The following THAP9 variants were observed in gnomAD, a reference collection of about 807,000 sequenced individuals.
The protein encoded by THAP9 is THAP domain containing 9.
A neutral mutation model predicts 35.7 loss-of-function variants in THAP9; 20 were observed. The ratio of observed to expected loss-of-function variants is 0.56; its 90% confidence interval spans 0.39 to 0.81. THAP9 has a LOEUF of 0.81. Among genes scored for constraint, THAP9 ranks in the 40% least tolerant of loss-of-function variants. The pLI is 0.00. For missense variants in THAP9, 870 were observed against 1,047.4 expected (o/e 0.83, Z 2.34); for synonymous variants, 335 against 373.7 (o/e 0.90, Z 1.19).
intron 4 of THAP9, chr4:82,910,411 A>AGTTTT (rs1422670999): frequency 6.7e-6 from 1 of 149,534 alleles, no homozygotes; most frequent in Non-Finnish European, 1.4e-5. Context: ...TACAGTTAGC[A>AGTTTT]GTTTTGTGTA....
chr4:82,902,478 C>G (rs1720464588), intron 1 of THAP9, among the ~76,000 whole-genome samples: 1 of 152,124 alleles, frequency 6.6e-6, no homozygotes, highest in South Asian at 2.1e-4. Flanking sequence ...CCAGCCCACC[C>G]CATGGACTAA....
At chr4:82,902,005 G>A (rs1206078673) in intron 1 of THAP9, among the ~76,000 whole-genome samples, 6 of 151,568 alleles carry the variant, frequency 4.0e-5, no homozygotes, top group Admixed American at 6.6e-5. Context: ...TAACGCACAA[G>A]GTAAATGCTT....
intron 4 of THAP9, 33 bp downstream of exon 4, chr4:82,907,968 G>A: frequency 6.3e-7 from 1 of 1,594,446 alleles, no homozygotes; most frequent in South Asian, 1.1e-5. Flanking sequence ...TTTTAAAAGT[G>A]ACTTTCTTGT....
rs1311531533 is a variant in THAP9, at chr4:82,917,930, G to T, written c.1718G>T (p.Gly573Val). ...ATAATTAAAGGTAAGCAAAAACTAG[G>T]ATTCCTGGGATTTTTGCTCAATGCT... ...NQIIKGKQKL[G>V]FLGFLLNAES... The change falls in exon 5 of 5, where the codon GGA becomes GTA. Residue 573 changes from glycine to valine, a missense_variant. Coordinates refer to ENST00000302236, the MANE Select transcript of THAP9 (RefSeq NM_024672.6). The T allele has an allele frequency of 1.9e-6, 3 of 1,613,894 alleles. No homozygotes were observed. Among genetic ancestry groups the T allele is most frequent in the Non-Finnish European group, 2.5e-6 (3 of 1,179,940 alleles).
rs1721154730 is a variant in THAP9 at position 82,919,205 on chromosome 4, G to A, written c.*281G>A. 4.2e-6 allele frequency: 1 copy of A among 236,844 alleles called. No homozygotes were observed. The highest frequency in any genetic ancestry group is 2.3e-5 in the African/African-American group (1 of 44,094). The allele number at this position is 236,844 out of a possible 1,614,324, so 14.7% of individuals were successfully genotyped here. A position where few individuals can be genotyped will look rare whatever the true frequency, so the allele number is the denominator to read the frequency against. On this transcript the variant is annotated 3_prime_UTR_variant, in exon 5 of 5. Coordinates refer to ENST00000302236, the MANE Select transcript of THAP9 (RefSeq NM_024672.6). ...ATTTACTACTGTAAGACTAAGCAGT[G>A]TTACTGGACACAGTTTTAACTTGTT... is the stretch of plus-strand genomic sequence containing the variant.
intron 1 of THAP9, 21 bp downstream of exon 1, chr4:82,900,903 G>A (rs770519999): frequency 2.5e-6 from 4 of 1,612,318 alleles, no homozygotes; most frequent in Non-Finnish European, 3.4e-6. Flanking sequence ...GAGCAGCCTC[G>A]AAGCCTTCGA....
Position 82,912,659 on chromosome 4 carries a change from A to G in THAP9, c.732-4285A>G, listed in dbSNP as rs187965848. ...AATTGCACAATTATGTGCAGCTGAA[A>G]TCCTAAATTTGTCTTTAATTTCTTA... On this transcript the variant is annotated intron_variant, in intron 4 of 4. Transcript: ENST00000302236. Among the ~76,000 whole-genome samples, 2 of 152,354 alleles carry G rather than the reference A, an allele frequency of 1.3e-5. 1 individual carries two copies. Among genetic ancestry groups the G allele is most frequent in the Admixed American group, 1.3e-4 (2 of 15,304 alleles).
intron 4 of THAP9, among the ~76,000 whole-genome samples, chr4:82,913,620 A>G (rs35895091): frequency 0.6 from 91,656 of 152,024 alleles, 29,803 homozygotes; most frequent in Admixed American, 0.73. Flanking sequence ...TTTGTTACAT[A>G]GGTAAACTCC....
chr4:82,917,878 A>C lies in THAP9; in HGVS notation c.1666A>C (p.Thr556Pro). The C allele has an allele frequency of 6.2e-7, 1 of 1,613,250 alleles. No homozygotes were observed. The highest frequency in any genetic ancestry group is 8.5e-7 in the Non-Finnish European group (1 of 1,179,826). ...VLIEAKTIFVTLSDTSNNQII... is the reference protein window; with the variant it reads ...VLIEAKTIFVPLSDTSNNQII... ...AATTGAAGCCAAGACTATTTTTGTTACATTATCTGACACTAGCAATAATCA... is the reference window on the plus strand; with the variant it reads ...AATTGAAGCCAAGACTATTTTTGTTCCATTATCTGACACTAGCAATAATCA... Residue 556 changes from threonine (T) to proline (P), a missense_variant, in exon 5 of 5, where the codon ACA (threonine) becomes CCA (proline). Physicochemically the swap from Thr to Pro is conservative, Grantham distance 38. This residue lies in a region of THAP9 where 414 missense variants were observed against 500.8 expected (regional missense o/e 0.83). Coordinates refer to ENST00000302236, the MANE Select transcript of THAP9 (RefSeq NM_024672.6).
intron 1 of THAP9, among the ~76,000 whole-genome samples, chr4:82,901,367 C>A (rs1168982338): frequency 6.6e-6 from 1 of 152,258 alleles, no homozygotes; most frequent in South Asian, 2.1e-4. Context: ...TTTCATTTGG[C>A]TCGACAGTGG....
rs530005910 is a variant in THAP9 at position 82,902,063 on chromosome 4, A to AGTTAT, written c.80+1183_80+1187dup. Among the ~76,000 whole-genome samples the AGTTAT allele has an allele frequency of 9.2e-3, 1,361 of 148,692 alleles. 11 individuals carry two copies. Among genetic ancestry groups the AGTTAT allele is most frequent in the Middle Eastern group, 0.056 (16 of 284 alleles). On this transcript the variant is annotated intron_variant, in intron 1 of 4. Transcript: ENST00000302236. Reference sequence around the variant, plus strand: ...TTAATTTTTTCCAGAACTCAAAACTAGTTATGCTAGTTAGATTACAATATT... The same window carrying AGTTAT: ...TTAATTTTTTCCAGAACTCAAAACTAGTTATGTTATGCTAGTTAGATTACAATATT...
chr4:82,916,820 G>T, intron 4 of THAP9, 124 bp from the exon 5 acceptor site: 1 of 607,600 alleles, frequency 1.6e-6, no homozygotes, highest in Non-Finnish European at 2.6e-6. Context: ...TATAGAATTT[G>T]GCTGCTTATA....
chr4:82,913,760 C>A (rs1417532710), intron 4 of THAP9, among the ~76,000 whole-genome samples: 1 of 150,970 alleles, frequency 6.6e-6, no homozygotes, highest in Non-Finnish European at 1.5e-5. Flanking sequence ...GACAGAGTTT[C>A]GCTCTGTTGC....
chr4:82,907,952 T>G lies in THAP9; in HGVS notation c.731+17T>G. 4 of 1,605,800 alleles carry G rather than the reference T, an allele frequency of 2.5e-6. No individual in the cohort carries two copies. Among genetic ancestry groups the G allele is most frequent in the Non-Finnish European group, 3.4e-6 (4 of 1,177,240 alleles). On this transcript the variant is annotated intron_variant, in intron 4 of 4. Transcript: ENST00000302236. Reference sequence around the variant, plus strand: ...CCTCAGAACGTAAGTGAATTATTTTTTTATTTTTTAAAAGTGACTTTCTTG... The same window carrying G: ...CCTCAGAACGTAAGTGAATTATTTTGTTATTTTTTAAAAGTGACTTTCTTG...
In THAP9 at chr4:82,900,869, C is replaced by G. The variant is rs1378072368; in HGVS notation, c.67C>G (p.Leu23Val). The G allele has an allele frequency of 6.2e-7, 1 of 1,613,352 alleles. No individual in the cohort carries two copies. Among genetic ancestry groups the G allele is most frequent in the African/African-American group, 1.3e-5 (1 of 74,950 alleles). Residue 23 changes from leucine (L) to valine (V), a missense_variant, in exon 1 of 5, where the codon CTC (leucine) becomes GTC (valine). Leu to Val is a conservative substitution (Grantham distance 32). Around this residue, in one of 3 missense-constraint regions of THAP9, gnomAD observed 440 missense variants for 501.2 expected, o/e 0.88. Transcript: ENST00000302236. ...RDTVLSRERG[L>V]SFHQFPTDTI... ...CACCGTGCTCAGCCGGGAGCGCGGC[C>G]TCTCCTTCCACCAGTGCGTATGGGA...
rs1266363468 is a variant in THAP9, at chr4:82,918,835, T to C, written c.2623T>C (p.Ser875Pro). The C allele has an allele frequency of 1.2e-6, 2 of 1,613,764 alleles. No individual in the cohort carries two copies. The highest frequency in any genetic ancestry group is 1.1e-5 in the South Asian group (1 of 91,070). Residue 875 changes from serine to proline, a missense_variant, in exon 5 of 5, where the codon TCT becomes CCT. Ser to Pro is a moderately conservative substitution (Grantham distance 74). This residue lies in a region of THAP9 where 414 missense variants were observed against 500.8 expected (regional missense o/e 0.83). Coordinates refer to ENST00000302236, the MANE Select transcript of THAP9 (RefSeq NM_024672.6). ...AACTTTATCAAGGAAACACTGGTCATCTGTACAGGATTATAAATGTTCAAG... is the reference window on the plus strand; with the variant it reads ...AACTTTATCAAGGAAACACTGGTCACCTGTACAGGATTATAAATGTTCAAG... ...MKTLSRKHWS[S>P]VQDYKCSSFA...
chr4:82,918,390 A>G lies in THAP9; in HGVS notation c.2178A>G (p.Leu726=). ...ICYAGYVANK[L]SALLTCEDCI... The stretch of plus-strand genomic sequence containing the variant: ...ATGCTGGTTATGTTGCAAACAAGTT[A>G]TCAGCTCTTTTAACTTGTGAGGACT... The change falls in exon 5 of 5, where the codon TTA becomes TTG. Residue 726 remains leucine, a synonymous_variant. Transcript: ENST00000302236. 1 of 1,614,170 alleles carries G rather than the reference A, an allele frequency of 6.2e-7. No homozygotes were observed. The highest frequency in any genetic ancestry group is 1.3e-5 in the African/African-American group (1 of 75,056).
At position 82,918,395 on chromosome 4, in the gene THAP9, C is replaced by G; in HGVS notation, c.2183C>G (p.Ala728Gly). 13 of 1,614,168 alleles carry G rather than the reference C, an allele frequency of 8.1e-6. No homozygotes were observed. The highest frequency in any genetic ancestry group is 1.1e-5 in the Non-Finnish European group (13 of 1,179,992). ...GGTTATGTTGCAAACAAGTTATCAG[C>G]TCTTTTAACTTGTGAGGACTGCATC... is the stretch of plus-strand genomic sequence containing the variant. Reference protein sequence around the residue: ...YAGYVANKLSALLTCEDCITA... With the variant: ...YAGYVANKLSGLLTCEDCITA... The change falls in exon 5 of 5, where the codon GCT becomes GGT. Residue 728 changes from alanine to glycine, a missense_variant. Physicochemically the swap from Ala to Gly is moderately conservative, Grantham distance 60 (BLOSUM62 0). This residue lies in a region of THAP9 where 414 missense variants were observed against 500.8 expected (regional missense o/e 0.83). Transcript: ENST00000302236.
chr4:82,904,892 G>A lies in THAP9; in HGVS notation c.237G>A (p.Lys79=). 6.2e-7 allele frequency: 1 copy of A among 1,613,894 alleles called. No individual in the cohort carries two copies. The highest frequency in any genetic ancestry group is 2.2e-5 in the East Asian group (1 of 44,840). ...TTGAGTCATATGGCATAAGAAGAAA[G>A]CTGAAAAAAGGAGCTGTGCCTTCTG... ...SDFESYGIRR[K]LKKGAVPSVS... Residue 79 remains lysine (K), a synonymous_variant, in exon 2 of 5, where the codon AAG becomes AAA. Transcript: ENST00000302236.
Sources: allele counts gnomAD v4.1 joint callset (sites outside exome capture counted in the v4.1 genomes callset), GRCh38; gene constraint gnomAD v4.1.1; regional missense constraint gnomAD v4.1.1; transcripts MANE v1.5; gene names NCBI Gene and HGNC (gene_info 2026-07-23, HGNC 2026-07-21).